DDAH1: variants seen among roughly 807,000 people sequenced by gnomAD.
DDAH1 encodes N(G),N(G)-dimethylarginine dimethylaminohydrolase 1.
A neutral mutation model predicts 28.8 loss-of-function variants in DDAH1; 19 were observed. The observed-to-expected ratio is 0.66, with a 90% CI of 0.46 to 0.97. DDAH1 has a LOEUF of 0.97. DDAH1 is among the 50% of genes least tolerant of loss of function. The pLI is 0.00. For missense variants in DDAH1, 326 were observed against 375.9 expected (o/e 0.87, Z 1.10); for synonymous variants, 153 against 154.4 (o/e 0.99, Z 0.07).
rs752676223 is a variant in DDAH1, at chr1:85,474,728, A to G, written c.-7+21438T>C. Among the ~76,000 whole-genome samples, 75 of 152,334 alleles carry G rather than the reference A, an allele frequency of 4.9e-4. No individual in the cohort carries two copies. The Middle Eastern group carries it at 0.014, about 28-fold the overall frequency. ...GGTGTGTAGAGAATGGCTGAATTAA[A>G]GCAATAGATGGCATTCCTTTCTCCC... On this transcript the variant is annotated intron_variant, in intron 2 of 6. Transcript: ENST00000426972.
At chr1:85,518,506 C>G (rs527673546) in intron 1 of DDAH1, among the ~76,000 whole-genome samples, 215 of 152,210 alleles carry the variant, frequency 1.4e-3, no homozygotes, top group Non-Finnish European at 2.8e-3. Context: ...TCTTGCTTGT[C>G]CCTGCACATA....
At position 85,321,256 on chromosome 1, in the gene DDAH1, C is replaced by A; in HGVS notation, c.*196G>T. ...GGTTGCTTAATTCATTTAGCAAATC[C>A]ACAGCTTAGGTACCACCTCGAGGGG... On this transcript the variant is annotated 3_prime_UTR_variant, in exon 6 of 6. Transcript: ENST00000284031. 1.9e-6 allele frequency: 1 copy of A among 512,940 alleles called. No homozygotes were observed. Among genetic ancestry groups the A allele is most frequent in the South Asian group, 3.1e-5 (1 of 32,080 alleles). The allele number at this position is 512,940 out of a possible 1,614,324, so 31.8% of individuals were successfully genotyped here.
intron 1 of DDAH1, among the ~76,000 whole-genome samples, chr1:85,569,608 A>G (rs1333788869): frequency 3.9e-5 from 6 of 151,926 alleles, no homozygotes; most frequent in Non-Finnish European, 2.9e-5. Context: ...TTCGTCCTCC[A>G]CCTCCTTCTC....
intron 1 of DDAH1, among the ~76,000 whole-genome samples, chr1:85,403,285 ATGTG>A (rs1339352116): frequency 2.0e-5 from 3 of 152,098 alleles, no homozygotes; most frequent in African/African-American, 7.2e-5. Flanking sequence ...ATATACATAT[ATGTG>A]TATGTATATA....
chr1:85,321,814 G>T (rs1286241525), intron 5 of DDAH1, among the ~76,000 whole-genome samples: 3 of 152,198 alleles, frequency 2.0e-5, no homozygotes, highest in African/African-American at 7.2e-5. Context: ...TGCTAGAGAT[G>T]CCTTTACTCT....
At chr1:85,325,365 GCGCA>G (rs934763872) in intron 4 of DDAH1, among the ~76,000 whole-genome samples, 2 of 151,838 alleles carry the variant, frequency 1.3e-5, no homozygotes, top group African/African-American at 4.8e-5. Context: ...GCGCGCGCGC[GCGCA>G]CACACACACG....
At chr1:85,557,042 A>G (rs1162251124) in intron 1 of DDAH1, among the ~76,000 whole-genome samples, 2 of 152,104 alleles carry the variant, frequency 1.3e-5, no homozygotes, top group African/African-American at 2.4e-5. Flanking sequence ...ACTTGAACCC[A>G]GGAGGCAGAG....
At chr1:85,424,501 G>A (rs974453048) in intron 1 of DDAH1, among the ~76,000 whole-genome samples, 3 of 152,072 alleles carry the variant, frequency 2.0e-5, no homozygotes, top group Non-Finnish European at 4.4e-5. Flanking sequence ...CACTATATAA[G>A]TAAAGAAAAG....
chr1:85,361,315 CT>C (rs2100863772), intron 1 of DDAH1, among the ~76,000 whole-genome samples: 1 of 152,260 alleles, frequency 6.6e-6, no homozygotes, highest in South Asian at 2.1e-4. Flanking sequence ...AACCATGAGC[CT>C]TTAAGAAACT....
intron 1 of DDAH1, among the ~76,000 whole-genome samples, chr1:85,564,035 G>T (rs1557764975): frequency 1.3e-5 from 2 of 152,168 alleles, no homozygotes; most frequent in Admixed American, 6.5e-5. Flanking sequence ...AGCTGGGCAT[G>T]GTGGTATGCA....
chr1:85,548,939 G>T (rs926320544), intron 1 of DDAH1, among the ~76,000 whole-genome samples: 1 of 152,108 alleles, frequency 6.6e-6, no homozygotes, highest in Non-Finnish European at 1.5e-5. Flanking sequence ...ATTTTGCAGA[G>T]CCTGGGGTAC....
At chr1:85,352,349 A>G (rs1649262822) in intron 2 of DDAH1, among the ~76,000 whole-genome samples, 1 of 152,162 alleles carries the variant, frequency 6.6e-6, no homozygotes, top group Non-Finnish European at 1.5e-5. Flanking sequence ...AGCTTCCAGG[A>G]TAGCCTCCAG....
intron 1 of DDAH1, among the ~76,000 whole-genome samples, chr1:85,415,200 G>C (rs1053838347): frequency 5.3e-5 from 8 of 151,836 alleles, no homozygotes; most frequent in African/African-American, 1.7e-4. Context: ...AATTTTAGTA[G>C]AGACAGGGTT....
At chr1:85,333,169 C>G (rs1371402829) in intron 4 of DDAH1, among the ~76,000 whole-genome samples, 1 of 152,224 alleles carries the variant, frequency 6.6e-6, no homozygotes, top group African/African-American at 2.4e-5. Flanking sequence ...TCAGCATAAT[C>G]TCTACTAACA....
At chr1:85,364,089 A>C (rs1649936944) in intron 1 of DDAH1, among the ~76,000 whole-genome samples, 1 of 152,150 alleles carries the variant, frequency 6.6e-6, no homozygotes, top group Non-Finnish European at 1.5e-5. Context: ...AGATATTAGT[A>C]TACCCATTTT....
chr1:85,402,674 G>C (rs2100580216), intron 1 of DDAH1, among the ~76,000 whole-genome samples: 1 of 152,210 alleles, frequency 6.6e-6, no homozygotes, highest in East Asian at 1.9e-4. Flanking sequence ...ACTTTGGGAG[G>C]CCGAGGCGGT....
intron 1 of DDAH1, among the ~76,000 whole-genome samples, chr1:85,420,091 G>A (rs1458961487): frequency 6.6e-6 from 1 of 152,082 alleles, no homozygotes; most frequent in Admixed American, 6.5e-5. Context: ...GATGGGGTTC[G>A]ACTGGGATGC....
intron 1 of DDAH1, among the ~76,000 whole-genome samples, chr1:85,427,880 G>C (rs1653486501): frequency 6.6e-6 from 1 of 152,186 alleles, no homozygotes; most frequent in African/African-American, 2.4e-5. Flanking sequence ...GGAGGGGATA[G>C]GAAAGGCTCC....
At chr1:85,419,191 G>T (rs1653019187) in intron 1 of DDAH1, among the ~76,000 whole-genome samples, 1 of 152,182 alleles carries the variant, frequency 6.6e-6, no homozygotes, top group African/African-American at 2.4e-5. Flanking sequence ...TATATGAATG[G>T]TGTCTCCTGG....
Sources: gnomAD v4.1 joint callset for allele counts (sites outside exome capture counted in the v4.1 genomes callset) on GRCh38, gnomAD v4.1.1 for gene constraint, MANE v1.5 for transcripts, NCBI Gene and HGNC (gene_info 2026-07-23, HGNC 2026-07-21) for gene names.